Variants in OPCML observed in about 807,000 individuals in gnomAD.
The protein encoded by OPCML is opioid binding protein/cell adhesion molecule like.
Under a neutral mutation model 37.8 loss-of-function variants are expected in OPCML, and 13 were observed. The observed-to-expected ratio is 0.34, with a 90% CI of 0.22 to 0.55. The LOEUF (loss-of-function observed/expected upper bound fraction) is 0.55, where lower values mean the gene tolerates loss of function less well. Among genes scored for constraint, OPCML ranks in the 20% least tolerant of loss-of-function variants. The pLI, the probability that OPCML is intolerant of heterozygous loss-of-function variation, is 0.91. For missense variants in OPCML, 341 were observed against 435.6 expected (o/e 0.78, Z 1.93); for synonymous variants, 176 against 168.8 (o/e 1.04, Z -0.33).
At chr11:133,386,785 T>A (rs960154858) in intron 1 of OPCML, among the ~76,000 whole-genome samples, 1 of 152,158 alleles carries the variant, frequency 6.6e-6, no homozygotes, top group African/African-American at 2.4e-5. Context: ...AGAAGGGCCA[T>A]GCTTCACTCC....
At chr11:132,441,240 T>C (rs975573831) in intron 4 of OPCML, among the ~76,000 whole-genome samples, 1 of 131,796 alleles carries the variant, frequency 7.6e-6, no homozygotes, top group African/African-American at 3.2e-5. Context: ...GGATCTCGGC[T>C]CACTGCAAGC....
At chr11:132,952,604 T>C (rs1458014333) in intron 1 of OPCML, among the ~76,000 whole-genome samples, 3 of 152,186 alleles carry the variant, frequency 2.0e-5, no homozygotes, top group Non-Finnish European at 4.4e-5. Flanking sequence ...TCACATCCTT[T>C]TCAACCTAGA....
At chr11:132,697,513 T>G (rs1317623350) in intron 2 of OPCML, among the ~76,000 whole-genome samples, 1 of 152,204 alleles carries the variant, frequency 6.6e-6, no homozygotes, top group Non-Finnish European at 1.5e-5. Context: ...ATTCTACATA[T>G]AAGTGAGATC....
intron 3 of OPCML, among the ~76,000 whole-genome samples, chr11:132,598,418 T>G (rs927836886): frequency 8.5e-5 from 13 of 152,146 alleles, no homozygotes; most frequent in African/African-American, 3.1e-4. Context: ...ACGCAGATGC[T>G]CAATATCTCA....
chr11:132,919,431 C>A (rs1162502497), intron 2 of OPCML, among the ~76,000 whole-genome samples: 2 of 152,158 alleles, frequency 1.3e-5, no homozygotes, highest in Non-Finnish European at 2.9e-5. Flanking sequence ...AGTCTGGGAA[C>A]TACTGGTCTA....
chr11:132,641,834 G>T (rs1462098500), intron 3 of OPCML, among the ~76,000 whole-genome samples: 1 of 152,130 alleles, frequency 6.6e-6, no homozygotes, highest in East Asian at 1.9e-4. Flanking sequence ...TAGCTATTTT[G>T]CCTTCTCCAA....
intron 2 of OPCML, among the ~76,000 whole-genome samples, chr11:132,687,988 G>A (rs546170714): frequency 2.6e-5 from 4 of 152,166 alleles, no homozygotes; most frequent in South Asian, 4.1e-4. Context: ...AACTTGCTTT[G>A]CCATTCACAC....
chr11:132,876,730 C>T (rs1210576295), intron 2 of OPCML, among the ~76,000 whole-genome samples: 1 of 152,146 alleles, frequency 6.6e-6, no homozygotes, highest in East Asian at 1.9e-4. Flanking sequence ...CTGCCCAAAA[C>T]GATGTGCGGA....
At chr11:132,596,057 T>C (rs915835633) in intron 3 of OPCML, among the ~76,000 whole-genome samples, 2 of 152,192 alleles carry the variant, frequency 1.3e-5, no homozygotes, top group African/African-American at 2.4e-5. Context: ...ACCACTTGGC[T>C]GTGTGACAGT....
At chr11:133,165,014 A>C (rs547120897) in intron 1 of OPCML, among the ~76,000 whole-genome samples, 90 of 152,248 alleles carry the variant, frequency 5.9e-4, no homozygotes, top group Non-Finnish European at 1.1e-3. Context: ...GGGTAAATGA[A>C]CTAGAAACCC....
intron 1 of OPCML, among the ~76,000 whole-genome samples, chr11:132,970,232 T>C (rs1415311558): frequency 6.6e-6 from 1 of 152,200 alleles, no homozygotes; most frequent in East Asian, 1.9e-4. Flanking sequence ...TTTAAATTCA[T>C]TTTACTGTTT....
At chr11:133,147,534 G>A (rs1949914675) in intron 1 of OPCML, among the ~76,000 whole-genome samples, 2 of 152,168 alleles carry the variant, frequency 1.3e-5, no homozygotes, top group South Asian at 4.1e-4. Context: ...ACCTTAGCAA[G>A]CATGTGTGGG....
Position 133,010,121 on chromosome 11 carries a change from G to A in OPCML, c.62-67111C>T, listed in dbSNP as rs181188678. ...CCTACTGTCCTGTCCACTCTTCAAGGAGCAGCTCAGAAGTCTCCTCCATAG... is the reference window on the plus strand; with the variant it reads ...CCTACTGTCCTGTCCACTCTTCAAGAAGCAGCTCAGAAGTCTCCTCCATAG... On this transcript the variant is annotated intron_variant, in intron 1 of 7. Coordinates refer to ENST00000524381, the MANE Select transcript of OPCML (RefSeq NM_001012393.5). 4.6e-5 allele frequency among the ~76,000 whole-genome samples: 7 copies of A among 152,232 alleles called. No homozygotes were observed. In the East Asian group the frequency reaches 1.4e-3, roughly 29 times the overall value.
chr11:133,233,213 C>T (rs1160964300), intron 1 of OPCML, among the ~76,000 whole-genome samples: 5 of 152,182 alleles, frequency 3.3e-5, no homozygotes, highest in Non-Finnish European at 4.4e-5. Context: ...GAAGATGCAA[C>T]TGCACCTCCC....
chr11:132,612,592 C>T (rs2137854947), intron 3 of OPCML, among the ~76,000 whole-genome samples: 1 of 152,128 alleles, frequency 6.6e-6, no homozygotes, highest in Admixed American at 6.5e-5. Flanking sequence ...AGGGCAAGGA[C>T]ATAAGACAAA....
chr11:132,435,314 C>T (rs1431312692), intron 7 of OPCML: 11 of 1,133,814 alleles, frequency 9.7e-6, no homozygotes, highest in East Asian at 5.8e-5. Context: ...CTGAGGTGCA[C>T]GTGGAAACGT....
At chr11:132,450,064 G>A (rs1009614649) in intron 4 of OPCML, among the ~76,000 whole-genome samples, 10 of 152,180 alleles carry the variant, frequency 6.6e-5, no homozygotes. Flanking sequence ...ATGTGACATG[G>A]TGGCTGCAGC....
intron 1 of OPCML, among the ~76,000 whole-genome samples, chr11:132,962,032 T>C (rs774641816): frequency 1.4e-4 from 22 of 152,252 alleles, no homozygotes; most frequent in Non-Finnish European, 2.4e-4. Context: ...CAGGACACTT[T>C]CTCTTTGCTA....
intron 2 of OPCML, among the ~76,000 whole-genome samples, chr11:132,667,413 G>T (rs2135804780): frequency 6.6e-6 from 1 of 152,248 alleles, no homozygotes; most frequent in Non-Finnish European, 1.5e-5. Flanking sequence ...CTGATTTTAG[G>T]CAGTAGAAAC....
Sources: allele counts gnomAD v4.1 joint callset (sites outside exome capture counted in the v4.1 genomes callset), GRCh38; gene constraint gnomAD v4.1.1; transcripts MANE v1.5; gene names NCBI Gene and HGNC (gene_info 2026-07-23, HGNC 2026-07-21).